FRMD5: variants seen among roughly 807,000 people sequenced by gnomAD.
The protein encoded by FRMD5 is FERM domain-containing protein 5.
A neutral mutation model predicts 69.0 loss-of-function variants in FRMD5; 20 were observed. The ratio of observed to expected loss-of-function variants is 0.29; its 90% CI spans 0.20 to 0.42. The LOEUF is 0.42. FRMD5 is among the 10% of genes least tolerant of loss of function. The pLI is 1.00. For synonymous variants in FRMD5, 271 were observed against 260.1 expected (o/e 1.04, Z -0.40); for missense variants, 595 against 708.6 (o/e 0.84, Z 1.82).
chr15:44,081,407 T>A (rs1026370182), intron 1 of FRMD5, among the ~76,000 whole-genome samples: 12 of 152,070 alleles, frequency 7.9e-5, no homozygotes, highest in Non-Finnish European at 1.0e-4. Flanking sequence ...GAAAAGCAAA[T>A]CGGCATTGTG....
intron 1 of FRMD5, among the ~76,000 whole-genome samples, chr15:43,992,603 C>G (rs1326435778): frequency 6.6e-6 from 1 of 152,156 alleles, no homozygotes; most frequent in African/African-American, 2.4e-5. Flanking sequence ...GTCTCGAACT[C>G]CTGATCTCAG....
intron 1 of FRMD5, among the ~76,000 whole-genome samples, chr15:44,008,581 A>G (rs572326832): frequency 6.6e-6 from 1 of 152,034 alleles, no homozygotes; most frequent in South Asian, 2.1e-4. Flanking sequence ...CTTTTTTAAC[A>G]TGTGGTGCAC....
At chr15:44,091,205 C>T (rs747266862) in intron 1 of FRMD5, among the ~76,000 whole-genome samples, 11 of 152,148 alleles carry the variant, frequency 7.2e-5, no homozygotes, top group Non-Finnish European at 1.5e-4. Context: ...GTTAAATCCA[C>T]CTAAGTGTTA....
chr15:43,919,687 T>C, intron 3 of FRMD5, 80 bp downstream of exon 3: 1 of 1,493,464 alleles, frequency 6.7e-7, no homozygotes, highest in Middle Eastern at 1.7e-4. Context: ...TATATGTAGA[T>C]CAAAACTTGA....
intron 1 of FRMD5, among the ~76,000 whole-genome samples, chr15:44,084,269 ACTT>A (rs1274340276): frequency 2.0e-5 from 3 of 151,932 alleles, no homozygotes; most frequent in Non-Finnish European, 2.9e-5. Flanking sequence ...CAAGCTGTAA[ACTT>A]CTTCTCCCTT....
At chr15:44,030,654 A>T (rs1055273240) in intron 1 of FRMD5, among the ~76,000 whole-genome samples, 3 of 152,138 alleles carry the variant, frequency 2.0e-5, no homozygotes, top group African/African-American at 7.2e-5. Flanking sequence ...TGGCAACTCC[A>T]CCTTGTAGCA....
intron 1 of FRMD5, among the ~76,000 whole-genome samples, chr15:44,188,931 GA>G (rs2078147273): frequency 6.6e-6 from 1 of 152,138 alleles, no homozygotes; most frequent in Non-Finnish European, 1.5e-5. Flanking sequence ...CGGGGAGTCA[GA>G]AGTGGAAGGG....
At position 44,049,892 on chromosome 15, in the gene FRMD5, A is replaced by G. The variant is rs1349218141; in HGVS notation, c.103-125583T>C. ...ACTGATTTTGGATAGTATTTTATCA[A>G]CATCTTTATTGGAAAGTTATAACCC... On this transcript the variant is annotated intron_variant, in intron 1 of 13. Transcript: ENST00000417257. Among the ~76,000 whole-genome samples, 2 of 152,224 alleles carry G rather than the reference A, an allele frequency of 1.3e-5. 1 individual carries two copies. The highest frequency in any genetic ancestry group is 2.9e-5 in the Non-Finnish European group (2 of 68,038).
chr15:44,029,197 C>T (rs1227181270), intron 1 of FRMD5, among the ~76,000 whole-genome samples: 6 of 152,194 alleles, frequency 3.9e-5, no homozygotes, highest in African/African-American at 1.4e-4. Flanking sequence ...CCAAAAAAGT[C>T]CCCACTTCAC....
At chr15:44,123,845 G>A (rs889633191) in intron 1 of FRMD5, among the ~76,000 whole-genome samples, 4 of 152,024 alleles carry the variant, frequency 2.6e-5, no homozygotes, top group Admixed American at 1.3e-4. Context: ...AAGTACTACC[G>A]CTTAACTAGC....
Position 44,042,394 on chromosome 15 carries a change from T to C in FRMD5, c.103-118085A>G, listed in dbSNP as rs531266442. Reference sequence around the variant, plus strand: ...TTGCTTCTGAAATGATTCCAAACAATAGAAAAAGAGGAAATCCTCCCTAAC... The same window carrying C: ...TTGCTTCTGAAATGATTCCAAACAACAGAAAAAGAGGAAATCCTCCCTAAC... On this transcript the variant is annotated intron_variant, in intron 1 of 13. Transcript: ENST00000417257. 3.7e-4 allele frequency among the ~76,000 whole-genome samples: 57 copies of C among 152,118 alleles called. 1 individual carries two copies. The South Asian group carries it at 7.7e-3, about 20-fold the overall frequency.
chr15:44,070,972 G>A (rs544123057), intron 1 of FRMD5, among the ~76,000 whole-genome samples: 2 of 152,230 alleles, frequency 1.3e-5, no homozygotes, highest in East Asian at 3.9e-4. Flanking sequence ...TCACATGTTT[G>A]GCACCTGCTA....
chr15:43,893,745 T>C (rs1405148351), intron 7 of FRMD5, among the ~76,000 whole-genome samples: 4 of 152,160 alleles, frequency 2.6e-5, no homozygotes, highest in South Asian at 2.1e-4. Flanking sequence ...TTGGCTCTCC[T>C]GGCCTCTCTG....
intron 1 of FRMD5, among the ~76,000 whole-genome samples, chr15:44,061,795 A>G (rs913623835): frequency 6.6e-6 from 1 of 152,176 alleles, no homozygotes; most frequent in Non-Finnish European, 1.5e-5. Flanking sequence ...ATGCATTAAC[A>G]TTTCCCATAT....
intron 1 of FRMD5, among the ~76,000 whole-genome samples, chr15:44,143,874 A>C (rs2077311959): frequency 6.9e-6 from 1 of 144,444 alleles, no homozygotes; most frequent in African/African-American, 2.5e-5. Flanking sequence ...CAGTGAGCCA[A>C]GATCATGCCA....
chr15:44,137,099 T>C (rs1454693121), intron 1 of FRMD5, among the ~76,000 whole-genome samples: 1 of 152,216 alleles, frequency 6.6e-6, no homozygotes, highest in Non-Finnish European at 1.5e-5. Context: ...AGGAGGAGGT[T>C]ATAAGCTAGA....
chr15:44,143,339 A>G (rs1013238953), intron 1 of FRMD5, among the ~76,000 whole-genome samples: 1 of 151,968 alleles, frequency 6.6e-6, no homozygotes, highest in African/African-American at 2.4e-5. Context: ...AGCACCTAAG[A>G]GACTTACTTC....
At chr15:43,989,266 G>A (rs947239462) in intron 1 of FRMD5, 11 of 789,914 alleles carry the variant, frequency 1.4e-5, no homozygotes, top group Non-Finnish European at 2.6e-5. Flanking sequence ...GGCGATGCCA[G>A]GGTACCTGGT....
At chr15:43,890,033 G>A (rs1162973287) in intron 8 of FRMD5, among the ~76,000 whole-genome samples, 1 of 152,152 alleles carries the variant, frequency 6.6e-6, no homozygotes, top group Non-Finnish European at 1.5e-5. Flanking sequence ...AATCATGGCT[G>A]GGTCAGGATG....
Sources: allele counts gnomAD v4.1 joint callset (sites outside exome capture counted in the v4.1 genomes callset), GRCh38; gene constraint gnomAD v4.1.1; transcripts MANE v1.5; gene names NCBI Gene and HGNC (gene_info 2026-07-23, HGNC 2026-07-21).